The following ZNF236 variants were observed in gnomAD, a reference collection of about 807,000 sequenced individuals.
The protein encoded by ZNF236 is zinc finger protein 236.
Under a neutral mutation model 191.2 loss-of-function variants are expected in ZNF236, and 50 were observed. The ratio of observed to expected loss-of-function variants is 0.26; its 90% CI spans 0.21 to 0.33. The LOEUF (loss-of-function observed/expected upper bound fraction) is 0.33, where lower values mean the gene tolerates loss of function less well. ZNF236 is among the 10% of genes least tolerant of loss of function. The pLI is 1.00. For missense variants in ZNF236, 1,754 were observed against 2,374.5 expected, an observed-to-expected ratio of 0.74 and a Z score of 5.43; for synonymous variants, 907 against 928.8, an observed-to-expected ratio of 0.98 and a Z score of 0.43.
intron 18 of ZNF236, among the ~76,000 whole-genome samples, chr18:76,914,906 T>C (rs940963436): frequency 6.6e-6 from 1 of 152,232 alleles, no homozygotes; most frequent in African/African-American, 2.4e-5. Context: ...AATGAAGATA[T>C]ACTGCTTAGA....
At chr18:76,966,689 C>T (rs1012045093) in intron 30 of ZNF236, among the ~76,000 whole-genome samples, 16 of 152,202 alleles carry the variant, frequency 1.1e-4, no homozygotes, top group African/African-American at 3.6e-4. Context: ...ACAGACAACA[C>T]GTGGGCCTTG....
At chr18:76,828,545 T>C (rs980475001) in intron 1 of ZNF236, among the ~76,000 whole-genome samples, 2 of 152,208 alleles carry the variant, frequency 1.3e-5, no homozygotes, top group South Asian at 2.1e-4. Flanking sequence ...CAGTCCTTAC[T>C]TGCTTCAGGG....
At chr18:76,840,393 C>CTG (rs1975445835) in intron 1 of ZNF236, among the ~76,000 whole-genome samples, 2 of 152,012 alleles carry the variant, frequency 1.3e-5, no homozygotes, top group South Asian at 4.1e-4. Context: ...TCTCAGAAGG[C>CTG]TGAGGCAGGA....
chr18:76,950,745 A>G (rs772931777), intron 27 of ZNF236, among the ~76,000 whole-genome samples: 2 of 152,190 alleles, frequency 1.3e-5, no homozygotes, highest in Non-Finnish European at 2.9e-5. Flanking sequence ...TGGCATATAG[A>G]GTGGTGAATC....
chr18:76,931,601 G>A (rs1967848903), intron 25 of ZNF236, among the ~76,000 whole-genome samples: 1 of 152,210 alleles, frequency 6.6e-6, no homozygotes, highest in African/African-American at 2.4e-5. Context: ...GCCCTCCAGT[G>A]AGAATTTTCT....
chr18:76,954,485 T>C (rs1191830076), intron 27 of ZNF236, among the ~76,000 whole-genome samples: 1 of 152,266 alleles, frequency 6.6e-6, no homozygotes, highest in Admixed American at 6.5e-5. Context: ...GTGTCATTTA[T>C]TCCTGTGCTT....
At chr18:76,903,705 C>G (rs1228603438) in intron 11 of ZNF236, among the ~76,000 whole-genome samples, 1 of 152,052 alleles carries the variant, frequency 6.6e-6, no homozygotes, top group Non-Finnish European at 1.5e-5. Flanking sequence ...CAAGCTTGTC[C>G]TGAATTCCTG....
chr18:76,917,997 A>G (rs1967419283), intron 19 of ZNF236, among the ~76,000 whole-genome samples: 2 of 151,472 alleles, frequency 1.3e-5, no homozygotes, highest in Admixed American at 1.3e-4. Context: ...CCCATCTCTC[A>G]TCTTTTTTCC....
At chr18:76,866,169 A>G (rs1306633952) in intron 3 of ZNF236, among the ~76,000 whole-genome samples, 1 of 152,240 alleles carries the variant, frequency 6.6e-6, no homozygotes, top group Non-Finnish European at 1.5e-5. Context: ...CAACACATGC[A>G]TGCCCACACA....
rs1040037216 is a variant in ZNF236, at chr18:76,969,441, T to C, written c.*1102T>C. 1.3e-5 allele frequency: 2 copies of C among 152,632 alleles called. No homozygotes were observed. The highest frequency in any genetic ancestry group is 2.4e-5 in the African/African-American group (1 of 41,466). 9.5% of individuals were successfully genotyped at this position (152,632 alleles called of 1,614,324 possible). ...TATATGTTCTATATATAAATACATA[T>C]GTACATAGATATATGGGCCTCTGTG... On this transcript the variant is annotated 3_prime_UTR_variant, in exon 31 of 31. Coordinates refer to ENST00000320610, the MANE Select transcript of ZNF236 (RefSeq NM_001306089.2).
chr18:76,899,830 C>G (rs1413636714), intron 11 of ZNF236, among the ~76,000 whole-genome samples: 4 of 152,144 alleles, frequency 2.6e-5, no homozygotes, highest in African/African-American at 9.7e-5. Flanking sequence ...GCTCCTGAAT[C>G]AAAAATACCA....
rs1378174099 is a variant in ZNF236 at position 76,960,960 on chromosome 18, AC to A, written c.5419+106del. 2.7e-5 allele frequency: 34 copies of A among 1,267,860 alleles called. No individual in the cohort carries two copies. The highest frequency in any genetic ancestry group is 3.4e-5 in the Non-Finnish European group (32 of 936,484). 78.5% of individuals were successfully genotyped at this position (1,267,860 alleles called of 1,614,324 possible). A position where few individuals can be genotyped will look rare whatever the true frequency, so the allele number is the denominator to read the frequency against. On this transcript the variant is annotated intron_variant, in intron 30 of 30. Coordinates refer to ENST00000320610, the MANE Select transcript of ZNF236 (RefSeq NM_001306089.2). This position sits in a 1 kb window ranked among gnomAD's most constrained non-coding sequence, Gnocchi z 4.4. Reference sequence around the variant, plus strand: ...AGTTCACACAGTGATTTTGCATTGCACGTGGTACAGCCTCAGTTGTGTGGAC... The same window carrying A: ...AGTTCACACAGTGATTTTGCATTGCAGTGGTACAGCCTCAGTTGTGTGGAC...
chr18:76,853,881 G>C (rs113323803), intron 3 of ZNF236, among the ~76,000 whole-genome samples: 32 of 152,044 alleles, frequency 2.1e-4, no homozygotes, highest in African/African-American at 7.7e-4. Context: ...CATGGTGGCA[G>C]GCCCTATAAT....
rs916138259 is a variant in ZNF236 at position 76,972,822 on chromosome 18, T to C, written c.*4483T>C. On this transcript the variant is annotated 3_prime_UTR_variant, in exon 31 of 31. Transcript: ENST00000320610. The stretch of plus-strand genomic sequence containing the variant: ...ATGATATTTATTTAATCCAGTTTTG[T>C]ATTAGAAATGGATAGTGATGCCAAA... Among the ~76,000 whole-genome samples, 14 of 152,226 alleles carry C rather than the reference T, an allele frequency of 9.2e-5. No homozygotes were observed. The highest frequency in any genetic ancestry group is 3.4e-4 in the African/African-American group (14 of 41,458).
chr18:76,910,693 C>A lies in ZNF236; in HGVS notation c.2687C>A (p.Pro896His). Residue 896 changes from proline to histidine, a missense_variant, in exon 16 of 31, where the codon CCT (proline) becomes CAT (histidine). Around this residue, in one of 5 missense-constraint regions of ZNF236, gnomAD observed 641 missense variants for 869.6 expected, o/e 0.74. Transcript: ENST00000320610. ...GTGACTGATACGTACCATCAGCAGC[C>A]TCAGTTTCCACCTGTCCAACAGCTA... is the stretch of plus-strand genomic sequence containing the variant. ...FTVTDTYHQQ[P>H]QFPPVQQLQD... 6.2e-7 allele frequency: 1 copy of A among 1,614,160 alleles called. No homozygotes were observed. Among genetic ancestry groups the A allele is most frequent in the Non-Finnish European group, 8.5e-7 (1 of 1,180,028 alleles).
At chr18:76,840,127 AGTC>A (rs1027539101) in intron 1 of ZNF236, among the ~76,000 whole-genome samples, 23 of 152,236 alleles carry the variant, frequency 1.5e-4, no homozygotes, top group African/African-American at 5.3e-4. Flanking sequence ...CCAAGTTTAC[AGTC>A]TTTCTTTAGA....
At chr18:76,851,961 ATACTTTGT>A (rs765214310) in intron 3 of ZNF236, 22 bp downstream of exon 3, 14 of 1,592,164 alleles carry the variant, frequency 8.8e-6, no homozygotes, top group Admixed American at 1.8e-5. Flanking sequence ...CATTTTGCAT[ATACTTTGT>A]TAACTGATTG....
chr18:76,842,871 A>G (rs957299805), intron 1 of ZNF236, among the ~76,000 whole-genome samples: 16 of 152,236 alleles, frequency 1.1e-4, no homozygotes, highest in African/African-American at 3.9e-4. Context: ...CTTATGAGTA[A>G]ATACATTTGA....
Position 76,968,549 on chromosome 18 carries a change from C to T in ZNF236, c.*210C>T. 7.5e-7 allele frequency: 1 copy of T among 1,333,310 alleles called. No individual in the cohort carries two copies. Among genetic ancestry groups the T allele is most frequent in the Non-Finnish European group, 9.5e-7 (1 of 1,049,094 alleles). The allele number at this position is 1,333,310 out of a possible 1,614,324, so 82.6% of individuals were successfully genotyped here. A position where few individuals can be genotyped will look rare whatever the true frequency, so the allele number is the denominator to read the frequency against. The stretch of plus-strand genomic sequence containing the variant: ...TCACCGCATTGTTCTCTTTTGTCTA[C>T]AAATCACTGAACTCAGGTACTACTG... On this transcript the variant is annotated 3_prime_UTR_variant, in exon 31 of 31. Transcript: ENST00000320610.
Sources: allele counts gnomAD v4.1 joint callset (sites outside exome capture counted in the v4.1 genomes callset), GRCh38; gene constraint gnomAD v4.1.1; regional missense constraint gnomAD v4.1.1; non-coding constraint Gnocchi (gnomAD v3.1); transcripts MANE v1.5; gene names NCBI Gene and HGNC (gene_info 2026-07-23, HGNC 2026-07-21).